GALNTL6: variants seen among roughly 807,000 people sequenced by gnomAD.
GALNTL6 encodes polypeptide N-acetylgalactosaminyltransferase like 6, also known as polypeptide N-acetylgalactosaminyltransferase-like 6.
In GALNTL6, 46 loss-of-function variants were observed where a neutral mutation model predicts 73.7. That is an observed-to-expected ratio of 0.62 (90% CI 0.49 to 0.80). The LOEUF (loss-of-function observed/expected upper bound fraction) is 0.80. GALNTL6 is among the 30% of genes least tolerant of loss of function. The probability of loss-of-function intolerance (pLI) is 0.00; values close to 1 mark genes in which losing one functional copy is unlikely to be tolerated. For missense variants in GALNTL6, 604 were observed against 755.0 expected (o/e 0.80, Z 2.34); for synonymous variants, 259 against 263.7 (o/e 0.98, Z 0.17).
At chr4:172,403,139 G>A (rs1306512501) in intron 5 of GALNTL6, among the ~76,000 whole-genome samples, 1 of 151,988 alleles carries the variant, frequency 6.6e-6, no homozygotes, top group Non-Finnish European at 1.5e-5. Context: ...TGTCTGACTA[G>A]GGAACACACC....
At chr4:172,195,978 C>T (rs537680095) in intron 2 of GALNTL6, among the ~76,000 whole-genome samples, 1 of 114,844 alleles carries the variant, frequency 8.7e-6, no homozygotes, top group Non-Finnish European at 1.8e-5. Flanking sequence ...AAAAACCTTT[C>T]AAAAAAATAA....
chr4:172,635,197 A>G (rs1739611508), intron 5 of GALNTL6, among the ~76,000 whole-genome samples: 2 of 152,184 alleles, frequency 1.3e-5, no homozygotes, highest in African/African-American at 4.8e-5. Context: ...TTAAAGAAAT[A>G]TCTTGGATGT....
intron 5 of GALNTL6, among the ~76,000 whole-genome samples, chr4:172,640,586 G>T (rs1444249067): frequency 6.6e-6 from 1 of 152,142 alleles, no homozygotes; most frequent in Admixed American, 6.5e-5. Context: ...GCTTGCAGAG[G>T]TCAGCTTCTC....
intron 2 of GALNTL6, among the ~76,000 whole-genome samples, chr4:172,038,293 A>G (rs1448000589): frequency 2.0e-5 from 3 of 151,658 alleles, no homozygotes; most frequent in Non-Finnish European, 4.4e-5. Context: ...TTTTAATATA[A>G]TCCTAAACAT....
chr4:172,307,785 A>G (rs1305462993), intron 3 of GALNTL6, among the ~76,000 whole-genome samples: 1 of 152,078 alleles, frequency 6.6e-6, no homozygotes, highest in East Asian at 1.9e-4. Flanking sequence ...GAAGTCAGGT[A>G]ATGTGATGCC....
At chr4:172,457,593 A>C (rs1322917655) in intron 5 of GALNTL6, among the ~76,000 whole-genome samples, 2 of 152,204 alleles carry the variant, frequency 1.3e-5, no homozygotes, top group African/African-American at 2.4e-5. Flanking sequence ...CTTTAAACCA[A>C]CAAAGATCAA....
At chr4:172,187,706 C>T (rs954593150) in intron 2 of GALNTL6, among the ~76,000 whole-genome samples, 1 of 151,998 alleles carries the variant, frequency 6.6e-6, no homozygotes, top group Admixed American at 6.6e-5. Context: ...TAATGGATAT[C>T]TCTGTTGGCC....
At chr4:172,362,876 C>T (rs1010602656) in intron 5 of GALNTL6, among the ~76,000 whole-genome samples, 1 of 152,146 alleles carries the variant, frequency 6.6e-6, no homozygotes, top group African/African-American at 2.4e-5. Flanking sequence ...CTCCAAAGTA[C>T]TTTGTAGTCA....
Position 172,929,277 on chromosome 4 carries a change from A to T in GALNTL6, c.1042-1884A>T, listed in dbSNP as rs10520249. Among the ~76,000 whole-genome samples, 14 of 152,228 alleles carry T rather than the reference A, an allele frequency of 9.2e-5. 1 individual carries two copies. Among genetic ancestry groups the T allele is most frequent in the African/African-American group, 3.1e-4 (13 of 41,548 alleles). On this transcript the variant is annotated intron_variant, in intron 8 of 12. Transcript: ENST00000506823. ...TCCTGGACTTCCATTGACCTTAATC[A>T]CCATTTGTTCAACCATTCTCGCTTG...
intron 2 of GALNTL6, among the ~76,000 whole-genome samples, chr4:171,852,947 C>T (rs1006712171): frequency 6.6e-6 from 1 of 151,488 alleles, no homozygotes; most frequent in African/African-American, 2.4e-5. Context: ...CCTGGGTTCA[C>T]GCCGTTCGCC....
chr4:172,770,375 T>C (rs898707197), intron 5 of GALNTL6, among the ~76,000 whole-genome samples: 1 of 152,104 alleles, frequency 6.6e-6, no homozygotes, highest in Non-Finnish European at 1.5e-5. Flanking sequence ...ACTGTTACTC[T>C]TATTCTTTTA....
At chr4:172,411,856 G>A (rs1231735744) in intron 5 of GALNTL6, among the ~76,000 whole-genome samples, 8 of 151,936 alleles carry the variant, frequency 5.3e-5, no homozygotes, top group Non-Finnish European at 8.8e-5. Context: ...ATAAAATAGC[G>A]AGAAAATCAG....
At chr4:172,448,963 C>T (rs1270078305) in intron 5 of GALNTL6, among the ~76,000 whole-genome samples, 1 of 152,058 alleles carries the variant, frequency 6.6e-6, no homozygotes, top group African/African-American at 2.4e-5. Context: ...TCATATTTTC[C>T]TCCTTGAATC....
intron 5 of GALNTL6, among the ~76,000 whole-genome samples, chr4:172,427,062 G>T (rs1288346747): frequency 6.6e-6 from 1 of 152,036 alleles, no homozygotes; most frequent in Non-Finnish European, 1.5e-5. Flanking sequence ...ATATTCTGTA[G>T]TTTGAGATAA....
intron 8 of GALNTL6, among the ~76,000 whole-genome samples, chr4:172,912,656 G>C (rs1008164268): frequency 6.6e-6 from 1 of 152,178 alleles, no homozygotes; most frequent in Admixed American, 6.5e-5. Flanking sequence ...AGGCCGCAGC[G>C]AGGGTGGGGG....
At chr4:173,009,752 T>C (rs1193125666) in intron 11 of GALNTL6, among the ~76,000 whole-genome samples, 2 of 152,232 alleles carry the variant, frequency 1.3e-5, no homozygotes, top group South Asian at 2.1e-4. Context: ...CCTGTTGTTG[T>C]AGTAGTTTTT....
intron 2 of GALNTL6, among the ~76,000 whole-genome samples, chr4:172,200,074 A>G (rs1437432496): frequency 7.2e-5 from 11 of 152,178 alleles, no homozygotes; most frequent in South Asian, 2.1e-4. Flanking sequence ...GGGAAATGCA[A>G]TCACTAGCTA....
At chr4:172,928,569 T>C (rs1315042713) in intron 8 of GALNTL6, among the ~76,000 whole-genome samples, 1 of 152,198 alleles carries the variant, frequency 6.6e-6, no homozygotes, top group Non-Finnish European at 1.5e-5. Context: ...ACACATCTAG[T>C]GATACAGGAA....
chr4:172,295,430 A>AAT (rs948803811), intron 3 of GALNTL6, among the ~76,000 whole-genome samples: 1 of 150,822 alleles, frequency 6.6e-6, no homozygotes, highest in African/African-American at 2.4e-5. Flanking sequence ...TAAGAAAAAA[A>AAT]AAAAGTGCCA....
Sources: allele counts gnomAD v4.1 joint callset (sites outside exome capture counted in the v4.1 genomes callset), GRCh38; gene constraint gnomAD v4.1.1; transcripts MANE v1.5; gene names NCBI Gene and HGNC (gene_info 2026-07-23, HGNC 2026-07-21).